The following NUBPL variants were observed in gnomAD, a reference collection of about 807,000 sequenced individuals.
NUBPL encodes iron-sulfur cluster transfer protein NUBPL.
NUBPL carries 31 observed loss-of-function variants against 45.7 expected under a neutral mutation model. The ratio of observed to expected loss-of-function variants is 0.68; its 90% CI spans 0.51 to 0.92. The LOEUF (loss-of-function observed/expected upper bound fraction) is 0.92. Ranked by LOEUF, NUBPL falls within the 40% of genes least tolerant of loss-of-function variation. The pLI, the probability that NUBPL is intolerant of heterozygous loss-of-function variation, is 0.00. For missense variants in NUBPL, 401 were observed against 398.7 expected, an observed-to-expected ratio of 1.01 and a Z score of -0.05; for synonymous variants, 144 against 140.9, an observed-to-expected ratio of 1.02 and a Z score of -0.15.
At chr14:31,754,789 C>G (rs2038618251) in intron 6 of NUBPL, among the ~76,000 whole-genome samples, 1 of 150,308 alleles carries the variant, frequency 6.7e-6, no homozygotes, top group Admixed American at 6.6e-5. Flanking sequence ...TGTTGGTTTG[C>G]TGCACCCATT....
chr14:31,584,234 C>T (rs1354106772), intron 3 of NUBPL, among the ~76,000 whole-genome samples: 2 of 152,048 alleles, frequency 1.3e-5, no homozygotes, highest in East Asian at 3.9e-4. Flanking sequence ...AAGCAATTCT[C>T]CTACCTCAGT....
At position 31,666,461 on chromosome 14, in the gene NUBPL, G is replaced by T. The variant is rs546552975; in HGVS notation, c.383-6894G>T. 2.6e-3 allele frequency among the ~76,000 whole-genome samples: 393 copies of T among 151,364 alleles called. 1 individual carries two copies. Among genetic ancestry groups the T allele is most frequent in the African/African-American group, 9.3e-3 (382 of 41,250 alleles). ...TATATTCTTAGTAGAGACAGGGTTT[G>T]ACCATATTGGTCAGGCTGGTCTCAA... On this transcript the variant is annotated intron_variant, in intron 4 of 10. Transcript: ENST00000281081.
At chr14:31,601,832 G>A (rs1353629489) in intron 4 of NUBPL, among the ~76,000 whole-genome samples, 9 of 152,234 alleles carry the variant, frequency 5.9e-5, no homozygotes, top group Non-Finnish European at 1.2e-4. Context: ...TCAGTGTGGC[G>A]ATTCCTCAGG....
At chr14:31,756,453 T>C (rs2038666625) in intron 6 of NUBPL, among the ~76,000 whole-genome samples, 1 of 152,106 alleles carries the variant, frequency 6.6e-6, no homozygotes, top group Admixed American at 6.5e-5. Context: ...TTTTATTCTG[T>C]TTGAAGCAAT....
chr14:31,737,091 A>ATGTCT (rs2038181566), intron 6 of NUBPL, among the ~76,000 whole-genome samples: 2 of 118,956 alleles, frequency 1.7e-5, no homozygotes, highest in Admixed American at 7.9e-5. Flanking sequence ...TGTGTTGCAG[A>ATGTCT]TATCAATCAA....
chr14:31,711,835 A>T lies in NUBPL; in HGVS notation c.513+38261A>T, dbSNP rs571982279. On this transcript the variant is annotated intron_variant, in intron 6 of 10. Coordinates refer to ENST00000281081, the MANE Select transcript of NUBPL (RefSeq NM_025152.3). ...GCTGGCCTCAGGAGTGAAGCTGAAG[A>T]CCTTCGCGGTGGGTGTTACAGTTCA... Among the ~76,000 whole-genome samples, 9 of 151,274 alleles carry T rather than the reference A, an allele frequency of 5.9e-5. 1 individual carries two copies. The highest frequency in any genetic ancestry group is 1.7e-4 in the African/African-American group (7 of 41,018).
rs115177308 is a variant in NUBPL, at chr14:31,614,018, T to C, written c.382+14639T>C. On this transcript the variant is annotated intron_variant, in intron 4 of 10. Coordinates refer to ENST00000281081, the MANE Select transcript of NUBPL (RefSeq NM_025152.3). Reference sequence around the variant, plus strand: ...GCATCTATTTGATAATTTTTGATTTTTAAAATATAAAATTTGGTAGTATCA... The same window carrying C: ...GCATCTATTTGATAATTTTTGATTTCTAAAATATAAAATTTGGTAGTATCA... Among the ~76,000 whole-genome samples the C allele has an allele frequency of 9.9e-3, 1,515 of 152,278 alleles. 27 individuals are homozygous for C. The highest frequency in any genetic ancestry group is 0.035 in the African/African-American group (1,460 of 41,566).
intron 6 of NUBPL, among the ~76,000 whole-genome samples, chr14:31,748,274 C>A (rs1441985212): frequency 6.6e-6 from 1 of 152,168 alleles, no homozygotes; most frequent in Non-Finnish European, 1.5e-5. Context: ...GTGTATTCTG[C>A]AGCTGTTGAA....
At chr14:31,779,039 G>A (rs1038399813) in intron 6 of NUBPL, among the ~76,000 whole-genome samples, 1 of 152,116 alleles carries the variant, frequency 6.6e-6, no homozygotes, top group Non-Finnish European at 1.5e-5. Context: ...GGTAAGATGA[G>A]GATAGAAAGA....
intron 8 of NUBPL, among the ~76,000 whole-genome samples, chr14:31,836,582 G>A (rs1390836187): frequency 1.3e-5 from 2 of 152,106 alleles, no homozygotes; most frequent in Non-Finnish European, 2.9e-5. Flanking sequence ...GAACAAAACT[G>A]TAATATGGAT....
rs551378267 is a variant in NUBPL, at chr14:31,860,963, G to A, written c.*1783G>A. 26 of 152,342 alleles carry A rather than the reference G, an allele frequency of 1.7e-4. No homozygotes were observed. Among genetic ancestry groups the A allele is most frequent in the African/African-American group, 5.8e-4 (24 of 41,582 alleles). 9.4% of individuals were successfully genotyped at this position (152,342 alleles called of 1,614,324 possible). On this transcript the variant is annotated 3_prime_UTR_variant, in exon 11 of 11. Coordinates refer to ENST00000281081, the MANE Select transcript of NUBPL (RefSeq NM_025152.3). ...TTATAGAAATGGAGAACAGATTAGT[G>A]GTGGCTGTGTTAAGGAGGGGGTGAG...
intron 6 of NUBPL, among the ~76,000 whole-genome samples, chr14:31,776,724 T>G (rs2039103949): frequency 6.6e-6 from 1 of 152,226 alleles, no homozygotes. Context: ...TTTACCAGAT[T>G]GGTCTAATAC....
rs34570972 is a variant in NUBPL at position 31,562,121 on chromosome 14, C to T, written c.162C>T (p.Ser54=). The part of the protein sequence containing the change: ...TLKQRRTQIM[S]RGLPKQKPIE... ...AACAAAGAAGAACACAAATCATGTC[C>T]CGAGGACTTCCAAAGCAGAAACCGA... The change falls in exon 2 of 11, where the codon TCC becomes TCT. Residue 54 remains serine (S), a synonymous_variant. Transcript: ENST00000281081. The T allele has an allele frequency of 1.2e-3, 1,863 of 1,613,286 alleles. 18 individuals carry two copies. In the African/African-American group the frequency reaches 0.021, roughly 18 times the overall value.
chr14:31,834,306 G>A (rs1323396419), intron 8 of NUBPL, among the ~76,000 whole-genome samples: 6 of 149,768 alleles, frequency 4.0e-5, no homozygotes, highest in African/African-American at 1.5e-4. Context: ...TCAGCCTCCT[G>A]AGTAGCTGGG....
intron 6 of NUBPL, among the ~76,000 whole-genome samples, chr14:31,715,107 T>G (rs2037658935): frequency 6.6e-6 from 1 of 152,206 alleles, no homozygotes; most frequent in South Asian, 2.1e-4. Flanking sequence ...GAGATGCCTT[T>G]AAAAATTCCT....
chr14:31,649,697 T>G (rs1029466031), intron 4 of NUBPL, among the ~76,000 whole-genome samples: 1 of 152,240 alleles, frequency 6.6e-6, no homozygotes, highest in Non-Finnish European at 1.5e-5. Flanking sequence ...TAAGGTATTA[T>G]GCACATGCTG....
At chr14:31,592,914 A>C (rs550446496) in intron 3 of NUBPL, among the ~76,000 whole-genome samples, 1 of 152,290 alleles carries the variant, frequency 6.6e-6, no homozygotes, top group South Asian at 2.1e-4. Context: ...GCATGCAAAA[A>C]TCCTTACCCT....
intron 6 of NUBPL, among the ~76,000 whole-genome samples, chr14:31,754,633 A>C (rs10129541): frequency 0.52 from 63,412 of 122,770 alleles, 15,889 homozygotes; most frequent in African/African-American, 0.7. Flanking sequence ...TCTTGCCAAT[A>C]GATTCATTTT....
chr14:31,737,749 G>C (rs549397923), intron 6 of NUBPL, among the ~76,000 whole-genome samples: 1 of 152,034 alleles, frequency 6.6e-6, no homozygotes, highest in Non-Finnish European at 1.5e-5. Context: ...ATGCCACTTC[G>C]CTCTAGCCTG....
Sources: gnomAD v4.1 joint callset for allele counts (sites outside exome capture counted in the v4.1 genomes callset) on GRCh38, gnomAD v4.1.1 for gene constraint, MANE v1.5 for transcripts, NCBI Gene and HGNC (gene_info 2026-07-23, HGNC 2026-07-21) for gene names.